PAX7: variants seen among roughly 807,000 people sequenced by gnomAD.
PAX7 encodes paired box 7.
In PAX7, 18 loss-of-function variants were observed where a neutral mutation model predicts 50.7. The observed-to-expected ratio is 0.36, with a 90% CI of 0.25 to 0.53. The LOEUF is 0.53. PAX7 is among the 20% of genes least tolerant of loss of function. The pLI is 0.93. For synonymous variants in PAX7, 310 were observed against 290.4 expected (o/e 1.07, Z -0.69); for missense variants, 644 against 702.9 (o/e 0.92, Z 0.95).
chr1:18,722,261 A>G (rs183434050), intron 7 of PAX7, among the ~76,000 whole-genome samples: 206 of 152,006 alleles, frequency 1.4e-3, no homozygotes, highest in Middle Eastern at 3.4e-3. Context: ...GCAGTATAGG[A>G]TAAGGCGGGG....
intron 2 of PAX7, 52 bp from the exon 3 acceptor site, chr1:18,635,059 C>A: frequency 6.3e-7 from 1 of 1,599,248 alleles, no homozygotes. Flanking sequence ...AAAGTATTTT[C>A]CTCCCCCCAT....
In PAX7 at chr1:18,632,898, G is replaced by C. The variant is rs760129207; in HGVS notation, c.85+1210G>C. 2.8e-4 allele frequency among the ~76,000 whole-genome samples: 42 copies of C among 152,262 alleles called. No homozygotes were observed. Among genetic ancestry groups the C allele is most frequent in the Non-Finnish European group, 4.3e-4 (29 of 68,016 alleles). On this transcript the variant is annotated intron_variant, in intron 1 of 8. Coordinates refer to ENST00000420770, the MANE Select transcript of PAX7 (RefSeq NM_001135254.2). The surrounding 1 kb of genome is among the most constrained non-coding windows in gnomAD (Gnocchi z 6.3). The stretch of plus-strand genomic sequence containing the variant: ...ATTTGCAGTGGCACTCTCCTGTAGC[G>C]AATGCAAGTAAAACAGGCGGCTGAG...
chr1:18,652,371 G>T (rs1263174973), intron 4 of PAX7, among the ~76,000 whole-genome samples: 1 of 152,134 alleles, frequency 6.6e-6, no homozygotes. Flanking sequence ...AATAGCGCAA[G>T]GTCCCGGCTG....
At chr1:18,677,949 G>A (rs1228316731) in intron 4 of PAX7, among the ~76,000 whole-genome samples, 1 of 151,898 alleles carries the variant, frequency 6.6e-6, no homozygotes, top group Non-Finnish European at 1.5e-5. Flanking sequence ...GGGCGTGGTG[G>A]CATTCTCCTG....
chr1:18,716,764 A>G (rs551328809), intron 7 of PAX7, among the ~76,000 whole-genome samples: 1 of 148,846 alleles, frequency 6.7e-6, no homozygotes, highest in South Asian at 2.1e-4. Context: ...TCTTCCCCCT[A>G]ATCTCTCTCA....
intron 4 of PAX7, among the ~76,000 whole-genome samples, chr1:18,674,079 C>T (rs1211315039): frequency 2.0e-5 from 3 of 152,228 alleles, no homozygotes; most frequent in African/African-American, 7.2e-5. Context: ...TGGAACATTG[C>T]ACCTTATTGC....
At chr1:18,686,730 G>A (rs1342973011) in intron 4 of PAX7, among the ~76,000 whole-genome samples, 1 of 151,934 alleles carries the variant, frequency 6.6e-6, no homozygotes, top group South Asian at 2.1e-4. Flanking sequence ...GTGGCATTGG[G>A]GCTCTTTGTG....
chr1:18,697,095 C>T (rs139216798), intron 5 of PAX7, among the ~76,000 whole-genome samples: 155 of 152,236 alleles, frequency 1.0e-3, no homozygotes, highest in African/African-American at 3.5e-3. Flanking sequence ...TGTGCTGGGA[C>T]TTGAACCCAA....
chr1:18,676,319 G>C (rs893629864), intron 4 of PAX7, among the ~76,000 whole-genome samples: 12 of 151,970 alleles, frequency 7.9e-5, no homozygotes, highest in African/African-American at 2.9e-4. Context: ...GCCTGGGAAC[G>C]GCCCATCCAG....
At position 18,632,095 on chromosome 1, in the gene PAX7, A is replaced by G. The variant is rs1298259618; in HGVS notation, c.85+407A>G. Among the ~76,000 whole-genome samples, 3 of 150,880 alleles carry G rather than the reference A, an allele frequency of 2.0e-5. No individual in the cohort carries two copies. The highest frequency in any genetic ancestry group is 1.9e-4 in the East Asian group (1 of 5,150). On this transcript the variant is annotated intron_variant, in intron 1 of 8. Coordinates refer to ENST00000420770, the MANE Select transcript of PAX7 (RefSeq NM_001135254.2). The surrounding 1 kb of genome is among the most constrained non-coding windows in gnomAD (Gnocchi z 6.3). ...ACTCTTGTTTTGAATTATTTTTTCC[A>G]CCCCCGGGATTGGTCTTCCAGTCCT...
chr1:18,735,927 C>A lies in PAX7; in HGVS notation c.1402+49C>A, dbSNP rs142059630. On this transcript the variant is annotated intron_variant, in intron 8 of 8. Transcript: ENST00000420770. This position sits in a 1 kb window ranked among gnomAD's most constrained non-coding sequence, Gnocchi z 4.0. ...TCCCCCGTCCCCATTCCTTCTCCCA[C>A]CCCCAGGGCCTCCTGCTTGTTTATG... 6.2e-7 allele frequency: 1 copy of A among 1,613,918 alleles called. No individual in the cohort carries two copies. The highest frequency in any genetic ancestry group is 1.7e-5 in the Admixed American group (1 of 60,026).
chr1:18,633,513 A>G (rs2816019), intron 1 of PAX7, among the ~76,000 whole-genome samples: 88,984 of 152,082 alleles, frequency 0.59, 27,729 homozygotes, highest in African/African-American at 0.8. Context: ...CTGCAGGCAC[A>G]GTTCATGGAT....
At chr1:18,652,998 T>C (rs1411422682) in intron 4 of PAX7, among the ~76,000 whole-genome samples, 1 of 152,174 alleles carries the variant, frequency 6.6e-6, no homozygotes, top group African/African-American at 2.4e-5. Context: ...GGAGAGCCAG[T>C]CATTGAATCT....
chr1:18,714,708 T>C (rs983643449), intron 7 of PAX7, among the ~76,000 whole-genome samples: 3 of 152,216 alleles, frequency 2.0e-5, no homozygotes, highest in African/African-American at 7.2e-5. Flanking sequence ...GTGGGTTACT[T>C]GTACATCCAG....
chr1:18,675,507 A>G (rs537170115), intron 4 of PAX7, among the ~76,000 whole-genome samples: 7 of 152,208 alleles, frequency 4.6e-5, no homozygotes, highest in East Asian at 1.9e-4. Context: ...CCCCAGCCCA[A>G]TTGCATGCCG....
chr1:18,716,518 T>TTC (rs2089423202), intron 7 of PAX7, among the ~76,000 whole-genome samples: 1 of 151,242 alleles, frequency 6.6e-6, no homozygotes, highest in African/African-American at 2.4e-5. Context: ...TTTGTTTTTT[T>TTC]CACACACTCT....
At chr1:18,635,473 G>A (rs191886084) in intron 3 of PAX7, among the ~76,000 whole-genome samples, 8 of 139,390 alleles carry the variant, frequency 5.7e-5, no homozygotes, top group Non-Finnish European at 1.2e-4. Context: ...AGAAAGGAGA[G>A]AGAAATAAGA....
At chr1:18,684,273 G>T (rs72650313) in intron 4 of PAX7, among the ~76,000 whole-genome samples, 8,564 of 152,318 alleles carry the variant, frequency 0.056, 304 homozygotes, top group Non-Finnish European at 0.079. Context: ...CCAGCTGCAT[G>T]AGAGGCGTGA....
rs761540155 is a variant in PAX7 at position 18,632,576 on chromosome 1, G to A, written c.85+888G>A. ...TGGAAGGCCTCAACCTGTCACTGAG[G>A]GATCATTTGGCTTCTGAGGGTAGGT... On this transcript the variant is annotated intron_variant, in intron 1 of 8. Transcript: ENST00000420770. The surrounding 1 kb of genome is among the most constrained non-coding windows in gnomAD (Gnocchi z 6.3). Among the ~76,000 whole-genome samples, 2 of 152,194 alleles carry A rather than the reference G, an allele frequency of 1.3e-5. No individual in the cohort carries two copies. Among genetic ancestry groups the A allele is most frequent in the Non-Finnish European group, 2.9e-5 (2 of 68,038 alleles).
Sources: allele counts gnomAD v4.1 joint callset (sites outside exome capture counted in the v4.1 genomes callset), GRCh38; gene constraint gnomAD v4.1.1; non-coding constraint Gnocchi (gnomAD v3.1); transcripts MANE v1.5; gene names NCBI Gene and HGNC (gene_info 2026-07-23, HGNC 2026-07-21).